Variants in IFT25 observed in about 807,000 individuals in gnomAD.
The protein encoded by IFT25 is intraflagellar transport 25, also known as intraflagellar transport protein 25 homolog.
chr1:53,940,906 G>A, the IFT25 span, among the ~76,000 whole-genome samples: 3 of 151,786 alleles, frequency 2.0e-5, no homozygotes, highest in African/African-American at 7.3e-5. Context: ...GAGGCCAGGT[G>A]TGGTGGCTTA....
chr1:53,915,827 G>C, the IFT25 span, among the ~76,000 whole-genome samples: 2 of 152,110 alleles, frequency 1.3e-5, no homozygotes, highest in African/African-American at 4.8e-5. Flanking sequence ...GGAGTCCATG[G>C]GCAGGTGGAG....
the IFT25 span, among the ~76,000 whole-genome samples, chr1:53,925,449 AG>A: frequency 5.3e-5 from 8 of 151,596 alleles, no homozygotes; most frequent in Non-Finnish European, 1.2e-4. Flanking sequence ...TCACAAGGTC[AG>A]GAGATTGAGA....
At chr1:53,924,860 A>C in the IFT25 span, among the ~76,000 whole-genome samples, 1 of 152,192 alleles carries the variant, frequency 6.6e-6, no homozygotes, top group Non-Finnish European at 1.5e-5. Flanking sequence ...AACAAAAAAG[A>C]TAGCTAATGA....
the IFT25 span, chr1:53,923,705 C>A: frequency 1.6e-4 from 77 of 468,858 alleles, no homozygotes; most frequent in Admixed American, 1.3e-3. Flanking sequence ...TGCCGTCACT[C>A]TCTATGAAAG....
At chr1:53,916,156 G>A in the IFT25 span, among the ~76,000 whole-genome samples, 1 of 144,510 alleles carries the variant, frequency 6.9e-6, no homozygotes, top group Non-Finnish European at 1.5e-5. Flanking sequence ...CTGCGCTCCA[G>A]CCTGGGCAAC....
the IFT25 span, chr1:53,921,440 AG>A: frequency 6.4e-6 from 3 of 472,430 alleles, no homozygotes; most frequent in Non-Finnish European, 1.1e-5. Context: ...TCCTTGATTA[AG>A]CTATATACTG....
the IFT25 span, among the ~76,000 whole-genome samples, chr1:53,938,535 C>T: frequency 6.6e-6 from 1 of 152,190 alleles, no homozygotes; most frequent in Non-Finnish European, 1.5e-5. Flanking sequence ...CATCCAGATA[C>T]ATGGGCTTCA....
chr1:53,945,961 C>G, the IFT25 span: 1 of 149,832 alleles, frequency 6.7e-6, no homozygotes, highest in African/African-American at 2.5e-5. Flanking sequence ...CCCAGAGGCC[C>G]CACCCCGCCT....
At chr1:53,939,211 G>C in the IFT25 span, among the ~76,000 whole-genome samples, 1 of 151,292 alleles carries the variant, frequency 6.6e-6, no homozygotes, top group East Asian at 1.9e-4. Flanking sequence ...CCAATACGGT[G>C]AAATCCCATC....
the IFT25 span, chr1:53,939,984 C>T: frequency 6.5e-7 from 1 of 1,545,048 alleles, no homozygotes; most frequent in Non-Finnish European, 8.9e-7. Flanking sequence ...GTAACTCTTA[C>T]CCATCAATGA....
At chr1:53,925,431 C>A in the IFT25 span, among the ~76,000 whole-genome samples, 1 of 151,656 alleles carries the variant, frequency 6.6e-6, no homozygotes, top group Admixed American at 6.6e-5. Context: ...GAGGCTGAGG[C>A]GGGCAGATCA....
the IFT25 span, chr1:53,939,803 C>T: frequency 1.9e-6 from 1 of 532,034 alleles, no homozygotes; most frequent in Non-Finnish European, 3.3e-6. Context: ...AGAAAAGGAT[C>T]AAAAACCTAA....
the IFT25 span, among the ~76,000 whole-genome samples, chr1:53,914,484 T>C: frequency 2.5e-3 from 382 of 152,068 alleles, no homozygotes; most frequent in African/African-American, 3.9e-3. Context: ...TATGTATATA[T>C]ATAAAATTCA....
the IFT25 span, among the ~76,000 whole-genome samples, chr1:53,912,062 G>T: frequency 1.3e-5 from 2 of 152,132 alleles, no homozygotes; most frequent in African/African-American, 4.8e-5. Flanking sequence ...AGTTTGTGAG[G>T]CTATACTGAA....
the IFT25 span, among the ~76,000 whole-genome samples, chr1:53,925,972 C>A: frequency 6.7e-6 from 1 of 150,252 alleles, no homozygotes; most frequent in Non-Finnish European, 1.5e-5. Context: ...CAACGTGGTG[C>A]ACGCCTGTAA....
At chr1:53,935,983 C>T in the IFT25 span, among the ~76,000 whole-genome samples, 22 of 151,926 alleles carry the variant, frequency 1.4e-4, no homozygotes, top group East Asian at 3.7e-3. Flanking sequence ...CTAACTAGGC[C>T]GGGCGCGGTG....
At chr1:53,936,179 T>C in the IFT25 span, among the ~76,000 whole-genome samples, 1 of 151,996 alleles carries the variant, frequency 6.6e-6, no homozygotes, top group African/African-American at 2.4e-5. Flanking sequence ...TCCCAGCTAC[T>C]CGGAAGGCTG....
chr1:53,914,092 C>G, the IFT25 span, among the ~76,000 whole-genome samples: 1 of 152,240 alleles, frequency 6.6e-6, no homozygotes, highest in Non-Finnish European at 1.5e-5. Context: ...GCTCCATCTT[C>G]CCTGCCATTC....
chr1:53,923,556 C>A, the IFT25 span: 1 of 219,528 alleles, frequency 4.6e-6, no homozygotes, highest in Non-Finnish European at 9.0e-6. Flanking sequence ...AATTAACATT[C>A]AATTTTGGCA....
Sources: gnomAD v4.1 joint callset for allele counts (sites outside exome capture counted in the v4.1 genomes callset) on GRCh38, gnomAD v4.1.1 for gene constraint, MANE v1.5 for transcripts, NCBI Gene and HGNC (gene_info 2026-07-23, HGNC 2026-07-21) for gene names.